The following ZFYVE1 variants were observed in gnomAD, a reference collection of about 807,000 sequenced individuals.
ZFYVE1 encodes the protein zinc finger FYVE domain-containing protein 1.
A neutral mutation model predicts 74.4 loss-of-function variants in ZFYVE1; 30 were observed. The observed-to-expected ratio is 0.40, with a 90% CI of 0.30 to 0.55. ZFYVE1 has a LOEUF of 0.55. Ranked by LOEUF, ZFYVE1 falls within the 20% of genes least tolerant of loss-of-function variation. The probability of loss-of-function intolerance (pLI) is 0.42; values close to 1 mark genes in which losing one functional copy is unlikely to be tolerated. For synonymous variants in ZFYVE1, 335 were observed against 385.1 expected (o/e 0.87, Z 1.52); for missense variants, 703 against 1,011.6 (o/e 0.69, Z 4.14).
rs887458365 is a variant in ZFYVE1 at position 73,024,601 on chromosome 14, A to G, written c.-93T>C. ...AAGATTTGAGTCTGAAGACTGCACG[A>G]AACTTCCACAGGGTTCTGAACACTT... On this transcript the variant is annotated 5_prime_UTR_variant, in exon 2 of 12. Transcript: ENST00000556143. 1.3e-6 allele frequency: 2 copies of G among 1,483,410 alleles called. No homozygotes were observed. Among genetic ancestry groups the G allele is most frequent in the Non-Finnish European group, 1.8e-6 (2 of 1,112,072 alleles). The allele number at this position is 1,483,410 out of a possible 1,614,324, so 91.9% of individuals were successfully genotyped here.
intron 2 of ZFYVE1, among the ~76,000 whole-genome samples, chr14:73,020,682 G>C (rs1001463515): frequency 6.6e-6 from 1 of 152,200 alleles, no homozygotes; most frequent in African/African-American, 2.4e-5. Context: ...ACTGCTTTAA[G>C]AAAAAAGAGC....
At chr14:73,001,003 T>C (rs1893857671) in intron 2 of ZFYVE1, among the ~76,000 whole-genome samples, 1 of 152,198 alleles carries the variant, frequency 6.6e-6, no homozygotes, top group African/African-American at 2.4e-5. Flanking sequence ...GAAATTCCTA[T>C]CTATGCCTTG....
At chr14:73,019,911 A>G (rs1424471952) in intron 2 of ZFYVE1, among the ~76,000 whole-genome samples, 1 of 151,668 alleles carries the variant, frequency 6.6e-6, no homozygotes, top group Non-Finnish European at 1.5e-5. Context: ...AGATCACACC[A>G]CGGCACTCCA....
chr14:73,024,168 C>T lies in ZFYVE1; in HGVS notation c.341G>A (p.Arg114Lys), dbSNP rs1339246452. The T allele has an allele frequency of 6.2e-7, 1 of 1,614,146 alleles. No homozygotes were observed. The highest frequency in any genetic ancestry group is 1.1e-5 in the South Asian group (1 of 91,072). ...ATTGTACACAGTAACAGGGTGTCTC[C>T]TTTTGTTACCCCCAGAATGAGTCCT... ...QKRTHSGGNK[R>K]RHPVTVYNVS... is the part of the protein sequence containing the mutation. The change falls in exon 2 of 12, where the codon AGG becomes AAG. Residue 114 changes from arginine to lysine, a missense_variant. Around this residue, in one of 2 missense-constraint regions of ZFYVE1, gnomAD observed 211 missense variants for 221.7 expected, o/e 0.95. Transcript: ENST00000556143.
rs1339100313 is a variant in ZFYVE1 at position 72,969,481 on chromosome 14, G to C, written c.*1401C>G. 4.0e-6 allele frequency: 2 copies of C among 496,574 alleles called. No homozygotes were observed. The highest frequency in any genetic ancestry group is 3.5e-6 in the Non-Finnish European group (1 of 282,658). The allele number at this position is 496,574 out of a possible 1,614,324, so 30.8% of individuals were successfully genotyped here. A position where few individuals can be genotyped will look rare whatever the true frequency, so the allele number is the denominator to read the frequency against. On this transcript the variant is annotated 3_prime_UTR_variant, in exon 12 of 12. Coordinates refer to ENST00000556143, the MANE Select transcript of ZFYVE1 (RefSeq NM_021260.4). ...GAAGATTCCTTTATGATGGCGAATT[G>C]GATGGTACACAGTTCTAGAGTAGGG...
At chr14:72,996,535 A>C (rs1175987240) in intron 3 of ZFYVE1, among the ~76,000 whole-genome samples, 1 of 152,156 alleles carries the variant, frequency 6.6e-6, no homozygotes, top group Non-Finnish European at 1.5e-5. Context: ...CTGAGATTAC[A>C]GGTGTGAGCC....
chr14:73,010,968 A>G (rs1286654126), intron 2 of ZFYVE1, among the ~76,000 whole-genome samples: 1 of 151,930 alleles, frequency 6.6e-6, no homozygotes, highest in Non-Finnish European at 1.5e-5. Context: ...CCAATAACGT[A>G]TAGATACTAC....
At chr14:73,000,611 A>AT (rs1482654364) in intron 2 of ZFYVE1, among the ~76,000 whole-genome samples, 2 of 151,952 alleles carry the variant, frequency 1.3e-5, no homozygotes, top group Non-Finnish European at 2.9e-5. Flanking sequence ...CTCTAAAGAA[A>AT]AAAAAAAAAA....
rs1567355731 is a variant in ZFYVE1 at position 72,998,260 on chromosome 14, A to T, written c.539T>A (p.Leu180Gln). ...ATTTCCAAAAATGGAAACCACTTTC[A>T]GATGCTGATCAGGTTTGCAGTCCAA... Reference protein sequence around the residue: ...RKLDCKPDQHLKVVSIFGNTG... With the variant: ...RKLDCKPDQHQKVVSIFGNTG... Residue 180 changes from leucine to glutamine, a missense_variant, in exon 3 of 12, where the codon CTG becomes CAG. This residue lies in a region of ZFYVE1 where 211 missense variants were observed against 221.7 expected (regional missense o/e 0.95). Coordinates refer to ENST00000556143, the MANE Select transcript of ZFYVE1 (RefSeq NM_021260.4). 1 of 1,607,236 alleles carries T rather than the reference A, an allele frequency of 6.2e-7. No individual in the cohort carries two copies. The highest frequency in any genetic ancestry group is 8.5e-7 in the Non-Finnish European group (1 of 1,176,594).
At position 73,003,664 on chromosome 14, in the gene ZFYVE1, C is replaced by T. The variant is rs971221089; in HGVS notation, c.484-5349G>A. Reference sequence around the variant, plus strand: ...GGTGGAGGTTGCAGTGGGCCGAGATCGTGCCACTGCACTCCAGCCTGGGCA... The same window carrying T: ...GGTGGAGGTTGCAGTGGGCCGAGATTGTGCCACTGCACTCCAGCCTGGGCA... On this transcript the variant is annotated intron_variant, in intron 2 of 11. Coordinates refer to ENST00000556143, the MANE Select transcript of ZFYVE1 (RefSeq NM_021260.4). 4.0e-5 allele frequency among the ~76,000 whole-genome samples: 6 copies of T among 151,740 alleles called. 1 individual carries two copies. Among genetic ancestry groups the T allele is most frequent in the African/African-American group, 9.7e-5 (4 of 41,334 alleles).
chr14:72,985,472 C>T (rs1451175469), intron 4 of ZFYVE1, among the ~76,000 whole-genome samples: 3 of 152,048 alleles, frequency 2.0e-5, no homozygotes, highest in Admixed American at 6.6e-5. Flanking sequence ...GCTGGGATTA[C>T]GGGCCCCTAC....
At chr14:73,009,528 G>A (rs1407467043) in intron 2 of ZFYVE1, among the ~76,000 whole-genome samples, 1 of 152,178 alleles carries the variant, frequency 6.6e-6, no homozygotes, top group Non-Finnish European at 1.5e-5. Flanking sequence ...AGGCCGAGGC[G>A]GGAGGATCAC....
At chr14:72,979,393 G>A (rs1485433417) in intron 5 of ZFYVE1, among the ~76,000 whole-genome samples, 3 of 151,882 alleles carry the variant, frequency 2.0e-5, no homozygotes, top group African/African-American at 7.3e-5. Context: ...CCAGGTACTC[G>A]GGAGGCTGAG....
At chr14:72,990,554 G>A (rs553938689) in intron 4 of ZFYVE1, among the ~76,000 whole-genome samples, 12 of 151,732 alleles carry the variant, frequency 7.9e-5, no homozygotes, top group South Asian at 2.1e-4. Flanking sequence ...GCACCACCAC[G>A]CGCAGCTAAT....
At chr14:72,985,138 T>G (rs1209451043) in intron 4 of ZFYVE1, among the ~76,000 whole-genome samples, 1 of 152,210 alleles carries the variant, frequency 6.6e-6, no homozygotes, top group Non-Finnish European at 1.5e-5. Context: ...CAGAACACTC[T>G]GAAGACACCT....
At chr14:73,010,278 C>T (rs1174766955) in intron 2 of ZFYVE1, among the ~76,000 whole-genome samples, 1 of 152,012 alleles carries the variant, frequency 6.6e-6, no homozygotes, top group African/African-American at 2.4e-5. Flanking sequence ...CTAGGCTGGC[C>T]ATCATGGTGA....
chr14:72,985,368 C>T (rs112588283), intron 4 of ZFYVE1, among the ~76,000 whole-genome samples: 2,066 of 151,966 alleles, frequency 0.014, 45 homozygotes, highest in African/African-American at 0.045. Flanking sequence ...AGTCTCGCTC[C>T]GTCACCCAGG....
chr14:72,984,061 C>T (rs1353078353), intron 4 of ZFYVE1, among the ~76,000 whole-genome samples: 2 of 152,114 alleles, frequency 1.3e-5, no homozygotes, highest in African/African-American at 4.8e-5. Context: ...ACTGAAGGTA[C>T]ACAACTCACC....
At chr14:72,992,290 A>G (rs528060804) in intron 4 of ZFYVE1, among the ~76,000 whole-genome samples, 1 of 152,278 alleles carries the variant, frequency 6.6e-6, no homozygotes, top group Admixed American at 6.5e-5. Context: ...CTAAGGAATA[A>G]TAGGCGATTT....
Sources: gnomAD v4.1 joint callset for allele counts (sites outside exome capture counted in the v4.1 genomes callset) on GRCh38, gnomAD v4.1.1 for gene constraint, gnomAD v4.1.1 regional missense constraint, MANE v1.5 for transcripts, NCBI Gene and HGNC (gene_info 2026-07-23, HGNC 2026-07-21) for gene names.